SLC71A1: variants seen among roughly 807,000 people sequenced by gnomAD.
The protein encoded by SLC71A1 is hippocampus abundant gene transcript 1.
chr1:100,082,323 T>A, the SLC71A1 span: 2 of 782,738 alleles, frequency 2.6e-6, no homozygotes, highest in Non-Finnish European at 4.1e-6. Context: ...TCTTAAGAAA[T>A]GTATCTGCAT....
chr1:100,048,883 C>T, the SLC71A1 span, among the ~76,000 whole-genome samples: 1,765 of 152,282 alleles, frequency 0.012, 13 homozygotes, highest in Non-Finnish European at 0.017. Flanking sequence ...ATCTGAGCCT[C>T]GTGGGGGGAA....
At chr1:100,078,407 G>C in the SLC71A1 span, 2 of 1,268,660 alleles carry the variant, frequency 1.6e-6, no homozygotes, top group South Asian at 2.5e-5. Context: ...TTCAGGTACA[G>C]TGGAGAAGAA....
At chr1:100,048,289 C>T in the SLC71A1 span, among the ~76,000 whole-genome samples, 2 of 152,124 alleles carry the variant, frequency 1.3e-5, no homozygotes, top group Non-Finnish European at 2.9e-5. Flanking sequence ...AGCGATTCTC[C>T]TGCCTCAGCC....
chr1:100,058,703 T>C, the SLC71A1 span: 1 of 1,584,882 alleles, frequency 6.3e-7, no homozygotes, highest in East Asian at 2.2e-5. Flanking sequence ...ACATTTCTGA[T>C]GAACGGCTTA....
At chr1:100,081,024 A>G in the SLC71A1 span, among the ~76,000 whole-genome samples, 183 of 152,322 alleles carry the variant, frequency 1.2e-3, no homozygotes, top group African/African-American at 4.1e-3. Flanking sequence ...ACTGTTTGCT[A>G]TATTTCCCTC....
chr1:100,069,072 G>A, the SLC71A1 span, among the ~76,000 whole-genome samples: 1 of 152,256 alleles, frequency 6.6e-6, no homozygotes, highest in African/African-American at 2.4e-5. Context: ...TGTTCCTTAT[G>A]CATTTCTAAT....
the SLC71A1 span, chr1:100,080,736 G>A: frequency 8.0e-7 from 1 of 1,250,520 alleles, no homozygotes; most frequent in Non-Finnish European, 1.1e-6. Context: ...GGTCATGAAA[G>A]CTTTTATGTG....
chr1:100,054,512 G>A, the SLC71A1 span, among the ~76,000 whole-genome samples: 1 of 151,928 alleles, frequency 6.6e-6, no homozygotes, highest in African/African-American at 2.4e-5. Flanking sequence ...TTCCTGGCCG[G>A]CTTTACCCTT....
At chr1:100,080,687 G>T in the SLC71A1 span, 2 of 1,597,356 alleles carry the variant, frequency 1.3e-6, no homozygotes, top group South Asian at 2.2e-5. Flanking sequence ...TGATCAAATT[G>T]TATGGTTCAT....
chr1:100,045,700 C>CTTTTA, the SLC71A1 span, among the ~76,000 whole-genome samples: 2 of 149,386 alleles, frequency 1.3e-5, no homozygotes, highest in South Asian at 2.1e-4. Context: ...GCCAATTCCA[C>CTTTTA]TTTTATTTTA....
chr1:100,082,316 TAAG>T, the SLC71A1 span: 1 of 854,706 alleles, frequency 1.2e-6, no homozygotes, highest in Non-Finnish European at 1.8e-6. Context: ...AAGATTGTCT[TAAG>T]AAATGTATCT....
chr1:100,077,041 A>G, the SLC71A1 span: 3 of 596,180 alleles, frequency 5.0e-6, no homozygotes, highest in African/African-American at 5.7e-5. Flanking sequence ...AGACATATTC[A>G]GGGCAATTAT....
At chr1:100,049,895 CT>C in the SLC71A1 span, 1 of 1,436,426 alleles carries the variant, frequency 7.0e-7, no homozygotes, top group Non-Finnish European at 9.6e-7. Context: ...TTTAAAAAAT[CT>C]TGTTTTTTAT....
the SLC71A1 span, chr1:100,069,807 T>C: frequency 4.3e-6 from 3 of 691,332 alleles, no homozygotes; most frequent in Non-Finnish European, 7.8e-6. Context: ...GGTTGATAGG[T>C]TCAGAAATTC....
At chr1:100,061,564 G>T in the SLC71A1 span, among the ~76,000 whole-genome samples, 2 of 152,136 alleles carry the variant, frequency 1.3e-5, no homozygotes, top group African/African-American at 2.4e-5. Context: ...TCACTTAACA[G>T]TTCAACAGTT....
At chr1:100,074,744 T>C in the SLC71A1 span, among the ~76,000 whole-genome samples, 7,687 of 149,292 alleles carry the variant, frequency 0.051, 513 homozygotes, top group African/African-American at 0.15. Flanking sequence ...GGCATGGTGG[T>C]GGGCACCTGA....
At chr1:100,046,768 A>C in the SLC71A1 span, among the ~76,000 whole-genome samples, 1 of 152,140 alleles carries the variant, frequency 6.6e-6, no homozygotes, top group Non-Finnish European at 1.5e-5. Flanking sequence ...TCGTGTCATC[A>C]ATGTTTTGTA....
the SLC71A1 span, chr1:100,059,901 C>G: frequency 6.2e-7 from 1 of 1,611,094 alleles, no homozygotes. Flanking sequence ...TCCTTAGTGC[C>G]CCGCTTATTG....
At chr1:100,044,428 A>G in the SLC71A1 span, among the ~76,000 whole-genome samples, 1 of 148,948 alleles carries the variant, frequency 6.7e-6, no homozygotes, top group South Asian at 2.1e-4. Flanking sequence ...AGTTCCTTGT[A>G]GATTCTGGGT....
Sources: allele counts gnomAD v4.1 joint callset (sites outside exome capture counted in the v4.1 genomes callset), GRCh38; gene constraint gnomAD v4.1.1; transcripts MANE v1.5; gene names NCBI Gene and HGNC (gene_info 2026-07-23, HGNC 2026-07-21).